FSTL5: variants seen among roughly 807,000 people sequenced by gnomAD.
The protein encoded by FSTL5 is follistatin-related protein 5.
Under a neutral mutation model 89.1 loss-of-function variants are expected in FSTL5, and 62 were observed. That is an observed-to-expected ratio of 0.70 (90% CI 0.57 to 0.86). FSTL5 has a LOEUF of 0.86. Among genes scored for constraint, FSTL5 ranks in the 40% least tolerant of loss-of-function variants. FSTL5 has a pLI of 0.00. For missense variants in FSTL5, 1,057 were observed against 1,001.6 expected, an observed-to-expected ratio of 1.06 and a Z score of -0.75; for synonymous variants, 383 against 346.2, an observed-to-expected ratio of 1.11 and a Z score of -1.18.
chr4:161,385,920 A>C lies in FSTL5; in HGVS notation c.2371T>G (p.Trp791Gly). ...SLKEPLKAEE[W>G]PWNRKNRQIQ... ...TGCCTGTTTTTCCGGTTCCAAGGCC[A>C]TTCTTCTGCCTTGAGTGGTTCCTTG... The change falls in exon 16 of 16, where the codon TGG becomes GGG. Residue 791 changes from tryptophan to glycine, a missense_variant. Trp to Gly is a radical substitution (Grantham distance 184). Transcript: ENST00000306100. 1 of 1,613,910 alleles carries C rather than the reference A, an allele frequency of 6.2e-7. No individual in the cohort carries two copies.
chr4:161,775,304 T>C (rs1221514740), intron 5 of FSTL5, among the ~76,000 whole-genome samples: 1 of 152,156 alleles, frequency 6.6e-6, no homozygotes, highest in Admixed American at 6.5e-5. Context: ...GCTTCTTCTC[T>C]TCATTATTCT....
rs116499353 is a variant in FSTL5 at position 162,065,091 on chromosome 4, A to G, written c.127-31433T>C. On this transcript the variant is annotated intron_variant, in intron 2 of 15. Coordinates refer to ENST00000306100, the MANE Select transcript of FSTL5 (RefSeq NM_020116.5). ...ATTAGGCCCATGTCTTACACTATAT[A>G]CAAAAATTAACTTAACATGGAATAA... 3.9e-3 allele frequency among the ~76,000 whole-genome samples: 596 copies of G among 152,156 alleles called. 1 individual carries two copies. Among genetic ancestry groups the G allele is most frequent in the Non-Finnish European group, 7.5e-3 (507 of 67,960 alleles).
At chr4:161,519,483 T>G (rs1730949634) in intron 10 of FSTL5, among the ~76,000 whole-genome samples, 1 of 151,840 alleles carries the variant, frequency 6.6e-6, no homozygotes, top group African/African-American at 2.4e-5. Flanking sequence ...CCGAGATCGC[T>G]CCACTGCACT....
intron 7 of FSTL5, among the ~76,000 whole-genome samples, chr4:161,641,111 A>AT (rs1407733829): frequency 6.6e-6 from 1 of 152,156 alleles, no homozygotes; most frequent in African/African-American, 2.4e-5. Context: ...ATCTGTGGGA[A>AT]TTTGATACCT....
At chr4:161,988,197 C>T (rs1173704358) in intron 3 of FSTL5, among the ~76,000 whole-genome samples, 1 of 151,246 alleles carries the variant, frequency 6.6e-6, no homozygotes, top group Non-Finnish European at 1.5e-5. Flanking sequence ...GTTTTTTTGT[C>T]CCATCGTATT....
intron 15 of FSTL5, among the ~76,000 whole-genome samples, chr4:161,424,795 A>G (rs779547496): frequency 6.6e-6 from 1 of 152,236 alleles, no homozygotes; most frequent in Non-Finnish European, 1.5e-5. Context: ...TAAATATCGG[A>G]TAATCAAACT....
chr4:162,125,875 CTG>C (rs982486271), intron 1 of FSTL5, among the ~76,000 whole-genome samples: 6 of 151,676 alleles, frequency 4.0e-5, no homozygotes, highest in African/African-American at 1.4e-4. Context: ...ACTTTTGTGC[CTG>C]TGTGTGTTTA....
At chr4:162,026,602 AT>A (rs931472660) in intron 3 of FSTL5, among the ~76,000 whole-genome samples, 1 of 151,734 alleles carries the variant, frequency 6.6e-6, no homozygotes, top group African/African-American at 2.4e-5. Flanking sequence ...GCTTATATAT[AT>A]TTTTTTACAA....
At chr4:161,844,984 G>T (rs773105414) in intron 4 of FSTL5, among the ~76,000 whole-genome samples, 1 of 151,864 alleles carries the variant, frequency 6.6e-6, no homozygotes, top group African/African-American at 2.4e-5. Flanking sequence ...ATAACAAAGA[G>T]TAAAAAAAGT....
intron 7 of FSTL5, among the ~76,000 whole-genome samples, chr4:161,637,541 G>A (rs1196990146): frequency 6.6e-6 from 1 of 151,258 alleles, no homozygotes; most frequent in Non-Finnish European, 1.5e-5. Flanking sequence ...CCTTGCCCAT[G>A]CCTATCTCCT....
chr4:161,584,514 T>G (rs762437848), intron 8 of FSTL5, among the ~76,000 whole-genome samples: 2 of 152,220 alleles, frequency 1.3e-5, no homozygotes, highest in African/African-American at 2.4e-5. Flanking sequence ...ATCTGTAACT[T>G]TTATAAAATT....
At chr4:161,856,827 A>G (rs1045844663) in intron 4 of FSTL5, among the ~76,000 whole-genome samples, 1 of 152,190 alleles carries the variant, frequency 6.6e-6, no homozygotes, top group Non-Finnish European at 1.5e-5. Flanking sequence ...GAGTTGAGAA[A>G]GCTGAATGAT....
intron 6 of FSTL5, among the ~76,000 whole-genome samples, chr4:161,727,696 T>G (rs557993901): frequency 7.2e-5 from 11 of 152,312 alleles, no homozygotes; most frequent in Admixed American, 6.5e-4. Context: ...CATAGGCCTT[T>G]GTACAATTAC....
At chr4:161,539,743 A>G (rs1731752989) in intron 9 of FSTL5, among the ~76,000 whole-genome samples, 2 of 152,108 alleles carry the variant, frequency 1.3e-5, no homozygotes, top group Admixed American at 1.3e-4. Context: ...ACAAAAACAA[A>G]AAAACCCACC....
chr4:161,436,918 A>G (rs1003859347), intron 15 of FSTL5, among the ~76,000 whole-genome samples: 1 of 152,184 alleles, frequency 6.6e-6, no homozygotes, highest in African/African-American at 2.4e-5. Context: ...CCTTCACTTA[A>G]CATTGTGAAT....
chr4:162,124,045 G>A (rs1579046719), intron 1 of FSTL5, among the ~76,000 whole-genome samples: 2 of 152,228 alleles, frequency 1.3e-5, no homozygotes, highest in Non-Finnish European at 1.5e-5. Context: ...GTATTCAGAT[G>A]AGTTCAGAAA....
intron 6 of FSTL5, among the ~76,000 whole-genome samples, chr4:161,718,476 T>C (rs542098882): frequency 1.7e-4 from 26 of 152,080 alleles, no homozygotes; most frequent in Admixed American, 5.2e-4. Flanking sequence ...TCACCCAGCC[T>C]GGAGTGCAAC....
chr4:161,497,002 G>T (rs910846706), intron 12 of FSTL5, among the ~76,000 whole-genome samples: 1 of 152,236 alleles, frequency 6.6e-6, no homozygotes, highest in South Asian at 2.1e-4. Flanking sequence ...TTTGGAATTA[G>T]AAATATATTA....
rs1443211753 is a variant in FSTL5, at chr4:161,385,663, G to A, written c.*84C>T. ...TTTTGTTTGACTAGGATATAAACTT[G>A]GAAAGTTAAGTTGTAAATTTAAACA... On this transcript the variant is annotated 3_prime_UTR_variant, in exon 16 of 16. Transcript: ENST00000306100. 6 of 1,076,866 alleles carry A rather than the reference G, an allele frequency of 5.6e-6. No homozygotes were observed. Among genetic ancestry groups the A allele is most frequent in the Non-Finnish European group, 8.1e-6 (6 of 742,288 alleles). 66.7% of individuals were successfully genotyped at this position (1,076,866 alleles called of 1,614,324 possible).
Sources: gnomAD v4.1 joint callset for allele counts (sites outside exome capture counted in the v4.1 genomes callset) on GRCh38, gnomAD v4.1.1 for gene constraint, MANE v1.5 for transcripts, NCBI Gene and HGNC (gene_info 2026-07-23, HGNC 2026-07-21) for gene names.